Variants in ANKS1B observed in about 807,000 individuals in gnomAD.
ANKS1B encodes the protein ankyrin repeat and sterile alpha motif domain containing 1B, also known as ankyrin repeat and sterile alpha motif domain-containing protein 1B.
Under a neutral mutation model 148.3 loss-of-function variants are expected in ANKS1B, and 36 were observed. The ratio of observed to expected loss-of-function variants is 0.24; its 90% confidence interval spans 0.19 to 0.32. The LOEUF (loss-of-function observed/expected upper bound fraction) is 0.32. Ranked by LOEUF, ANKS1B falls within the 10% of genes least tolerant of loss-of-function variation. ANKS1B has a pLI of 1.00. For synonymous variants in ANKS1B, 542 were observed against 560.8 expected, an observed-to-expected ratio of 0.97 and a Z score of 0.47; for missense variants, 1,157 against 1,542.6, an observed-to-expected ratio of 0.75 and a Z score of 4.19.
rs577531496 is a variant in ANKS1B, at chr12:99,586,127, G to C, written c.1272+68940C>G. ...ATGGTCTGCTCCCCTTTTAAACTAA[G>C]TTGCAATTCCAAACCATGTCTCTGT... On this transcript the variant is annotated intron_variant, in intron 9 of 26. Transcript: ENST00000683438. 1.1e-4 allele frequency among the ~76,000 whole-genome samples: 17 copies of C among 152,202 alleles called. 1 individual carries two copies. The South Asian group carries it at 2.1e-3, about 19-fold the overall frequency.
intron 1 of ANKS1B, among the ~76,000 whole-genome samples, chr12:99,905,278 A>T (rs1375087705): frequency 6.6e-6 from 1 of 152,216 alleles, no homozygotes; most frequent in Non-Finnish European, 1.5e-5. Flanking sequence ...GATAATTTTG[A>T]TTTAATTGAC....
intron 8 of ANKS1B, among the ~76,000 whole-genome samples, chr12:99,692,139 A>G (rs2098682613): frequency 1.3e-5 from 2 of 152,204 alleles, no homozygotes; most frequent in African/African-American, 2.4e-5. Flanking sequence ...AGATTTAAGC[A>G]TGGGAAGAAC....
chr12:99,915,225 C>CAAAA lies in ANKS1B; in HGVS notation c.134+68875_134+68878dup, dbSNP rs34176071. 1.9e-4 allele frequency among the ~76,000 whole-genome samples: 19 copies of CAAAA among 101,616 alleles called. 1 individual carries two copies. Among genetic ancestry groups the CAAAA allele is most frequent in the South Asian group, 4.2e-4 (1 of 2,372 alleles). The allele number at this position is 101,616 out of a possible 152,430, so 66.7% of individuals were successfully genotyped here. On this transcript the variant is annotated intron_variant, in intron 1 of 26. Coordinates refer to ENST00000683438, the MANE Select transcript of ANKS1B (RefSeq NM_001352186.2). ...GGGCAACAAGAACAAAAAGCTGTCT[C>CAAAA]AAAAAAAAAAAAAAAAAAGCTCCAA... is the stretch of plus-strand genomic sequence containing the variant.
intron 9 of ANKS1B, among the ~76,000 whole-genome samples, chr12:99,607,164 T>C (rs1484520583): frequency 6.6e-6 from 1 of 152,058 alleles, no homozygotes; most frequent in Admixed American, 6.6e-5. Flanking sequence ...GCCTAGGCGC[T>C]GCAGAAACAC....
intron 9 of ANKS1B, among the ~76,000 whole-genome samples, chr12:99,653,399 G>A (rs2098434580): frequency 6.6e-6 from 1 of 152,102 alleles, no homozygotes; most frequent in Non-Finnish European, 1.5e-5. Flanking sequence ...GGGGAAAATA[G>A]GTTAAAACAT....
chr12:99,449,975 G>A (rs2152816539), intron 10 of ANKS1B, among the ~76,000 whole-genome samples: 1 of 152,014 alleles, frequency 6.6e-6, no homozygotes, highest in African/African-American at 2.4e-5. Context: ...TAAGGCATTA[G>A]CTCATATAAT....
At chr12:99,640,482 T>C (rs932246344) in intron 9 of ANKS1B, among the ~76,000 whole-genome samples, 1 of 152,194 alleles carries the variant, frequency 6.6e-6, no homozygotes, top group East Asian at 1.9e-4. Context: ...TCTTGGAGTG[T>C]GTTTGCTATG....
chr12:99,256,828 GTTTA>G (rs957087003), intron 12 of ANKS1B, among the ~76,000 whole-genome samples: 10 of 151,970 alleles, frequency 6.6e-5, no homozygotes, highest in African/African-American at 2.4e-4. Flanking sequence ...ATGGATTTCT[GTTTA>G]TTTATCCTGC....
intron 1 of ANKS1B, among the ~76,000 whole-genome samples, chr12:99,978,942 TA>T (rs1387536060): frequency 6.6e-6 from 1 of 152,208 alleles, no homozygotes; most frequent in Non-Finnish European, 1.5e-5. Context: ...GAGGCATTAA[TA>T]AAGTTTTATC....
At chr12:99,336,002 T>A (rs1266404639) in intron 12 of ANKS1B, among the ~76,000 whole-genome samples, 2 of 152,188 alleles carry the variant, frequency 1.3e-5, no homozygotes, top group Non-Finnish European at 2.9e-5. Context: ...AGTTCCGTTT[T>A]CTCCACATCC....
intron 11 of ANKS1B, among the ~76,000 whole-genome samples, chr12:99,427,637 C>A (rs115684761): frequency 3.3e-5 from 5 of 152,178 alleles, no homozygotes; most frequent in Admixed American, 3.3e-4. Context: ...TTTACCTCCT[C>A]TTGAATAGAG....
chr12:99,756,521 A>C (rs2061584018), intron 8 of ANKS1B, among the ~76,000 whole-genome samples: 1 of 152,126 alleles, frequency 6.6e-6, no homozygotes. Context: ...ATTTAGATTC[A>C]ATACTATTCC....
At chr12:99,302,963 A>T (rs1232146634) in intron 12 of ANKS1B, among the ~76,000 whole-genome samples, 1 of 152,164 alleles carries the variant, frequency 6.6e-6, no homozygotes, top group Non-Finnish European at 1.5e-5. Flanking sequence ...ATTAGTTATT[A>T]TGTTCTTTAG....
intron 9 of ANKS1B, among the ~76,000 whole-genome samples, chr12:99,639,416 A>G (rs1467614761): frequency 1.3e-5 from 2 of 152,152 alleles, no homozygotes; most frequent in Non-Finnish European, 2.9e-5. Flanking sequence ...GAAATGAGTT[A>G]AGACTTTGGG....
At chr12:99,961,108 A>G (rs1457760093) in intron 1 of ANKS1B, among the ~76,000 whole-genome samples, 1 of 152,176 alleles carries the variant, frequency 6.6e-6, no homozygotes, top group East Asian at 1.9e-4. Context: ...AGGCGCCTGT[A>G]GTCTCAGCTA....
At chr12:99,688,729 T>TA (rs2098663269) in intron 8 of ANKS1B, among the ~76,000 whole-genome samples, 1 of 152,004 alleles carries the variant, frequency 6.6e-6, no homozygotes, top group Non-Finnish European at 1.5e-5. Flanking sequence ...TACTTAGAAC[T>TA]ACTTAGAAGG....
chr12:98,742,297 A>G (rs1270122200), downstream of ANKS1B, among the ~76,000 whole-genome samples: 1 of 151,212 alleles, frequency 6.6e-6, no homozygotes, highest in Admixed American at 6.6e-5. Flanking sequence ...GTAAGTCTTC[A>G]CAGCACTGGT....
At chr12:99,563,118 T>G (rs771486739) in intron 9 of ANKS1B, among the ~76,000 whole-genome samples, 21 of 152,360 alleles carry the variant, frequency 1.4e-4, no homozygotes, top group Non-Finnish European at 2.4e-4. Flanking sequence ...TTGTGGCTGA[T>G]TTGGTCTTCT....
chr12:99,259,331 G>A (rs755019624), intron 12 of ANKS1B, among the ~76,000 whole-genome samples: 10 of 152,234 alleles, frequency 6.6e-5, no homozygotes, highest in Non-Finnish European at 1.5e-4. Flanking sequence ...GATAGAGCAT[G>A]TAATAAAATT....
Sources: gnomAD v4.1 joint callset for allele counts (sites outside exome capture counted in the v4.1 genomes callset) on GRCh38, gnomAD v4.1.1 for gene constraint, MANE v1.5 for transcripts, NCBI Gene and HGNC (gene_info 2026-07-23, HGNC 2026-07-21) for gene names.